The following ATE1 variants were observed in gnomAD, a reference collection of about 807,000 sequenced individuals.
ATE1 encodes arginyltransferase 1, also known as arginyl-tRNA--protein transferase 1.
In ATE1, 36 loss-of-function variants were observed where a neutral mutation model predicts 70.5. That is an observed-to-expected ratio of 0.51 (90% CI 0.39 to 0.67). ATE1 has a LOEUF of 0.67. Among genes scored for constraint, ATE1 ranks in the 30% least tolerant of loss-of-function variants. ATE1 has a pLI of 0.00. For synonymous variants in ATE1, 232 were observed against 219.3 expected, an observed-to-expected ratio of 1.06 and a Z score of -0.51; for missense variants, 593 against 629.5, an observed-to-expected ratio of 0.94 and a Z score of 0.62.
At chr10:121,751,013 A>G (rs980618353) in intron 11 of ATE1, among the ~76,000 whole-genome samples, 1 of 152,228 alleles carries the variant, frequency 6.6e-6, no homozygotes. Context: ...GAAGCTTTTC[A>G]GCATAAAATA....
rs10749435 is a variant in ATE1 at position 121,913,824 on chromosome 10, T to C, written c.303A>G (p.Leu101=). 1,475,595 of 1,612,850 alleles carry C rather than the reference T, an allele frequency of 0.91. 675,879 individuals are homozygous for C. Among genetic ancestry groups the C allele is most frequent in the Middle Eastern group, 0.94 (5,704 of 6,060 alleles). ...TTCCTTTGGGAACCTCCCCTTTAGC[T>C]AGAAATTTCAACATTTTTTTCAAAA... ...KKVLKKMLKF[L]AKGEVPKGSC... is the part of the protein sequence containing the mutation. Residue 101 remains leucine (L), a synonymous_variant, in exon 4 of 12, where the codon CTA becomes CTG. Transcript: ENST00000224652.
chr10:121,752,485 T>TC (rs1262304223), intron 11 of ATE1, among the ~76,000 whole-genome samples: 1 of 151,996 alleles, frequency 6.6e-6, no homozygotes, highest in African/African-American at 2.4e-5. Context: ...TGCCCTAGCC[T>TC]CCCAAAGTGC....
chr10:121,911,767 T>G (rs76782567), intron 4 of ATE1, among the ~76,000 whole-genome samples: 3 of 146,338 alleles, frequency 2.1e-5, no homozygotes, highest in Non-Finnish European at 4.6e-5. Context: ...TTTTTTTTTT[T>G]GAGGAGTCTC....
chr10:121,888,903 T>G (rs1171349212), intron 7 of ATE1, among the ~76,000 whole-genome samples: 1 of 152,196 alleles, frequency 6.6e-6, no homozygotes, highest in Non-Finnish European at 1.5e-5. Context: ...TCTACTTACA[T>G]TAAGTATAAA....
intron 11 of ATE1, among the ~76,000 whole-genome samples, chr10:121,762,106 G>A (rs1031371002): frequency 6.6e-6 from 1 of 152,024 alleles, no homozygotes; most frequent in African/African-American, 2.4e-5. Context: ...TTCTGTCTTC[G>A]TCACCTTCAG....
chr10:121,850,561 G>A (rs1486606194), intron 8 of ATE1, among the ~76,000 whole-genome samples: 1 of 152,176 alleles, frequency 6.6e-6, no homozygotes, highest in African/African-American at 2.4e-5. Flanking sequence ...TTTTGAACTT[G>A]AGGACCCTCT....
chr10:121,760,192 C>A (rs891480622), intron 11 of ATE1, among the ~76,000 whole-genome samples: 1 of 152,162 alleles, frequency 6.6e-6, no homozygotes, highest in Non-Finnish European at 1.5e-5. Context: ...TGTTTTCATG[C>A]CTGCTAACAC....
intron 7 of ATE1, among the ~76,000 whole-genome samples, chr10:121,884,101 G>T: frequency 1.9e-5 from 1 of 51,468 alleles, no homozygotes; most frequent in Non-Finnish European, 3.2e-5. Context: ...GTGAGACCCA[G>T]ACTCAAAAAA....
At chr10:121,849,406 C>T (rs1948969665) in intron 8 of ATE1, among the ~76,000 whole-genome samples, 1 of 152,108 alleles carries the variant, frequency 6.6e-6, no homozygotes, top group Non-Finnish European at 1.5e-5. Flanking sequence ...TGAAAACCTG[C>T]TTCAGTTACT....
intron 11 of ATE1, among the ~76,000 whole-genome samples, chr10:121,767,203 C>T (rs985830676): frequency 2.0e-5 from 3 of 152,054 alleles, no homozygotes; most frequent in African/African-American, 4.8e-5. Flanking sequence ...CAACCACTCA[C>T]GATAAAAACT....
intron 7 of ATE1, among the ~76,000 whole-genome samples, chr10:121,882,959 T>C (rs1321341414): frequency 6.6e-6 from 1 of 152,144 alleles, no homozygotes; most frequent in Non-Finnish European, 1.5e-5. Flanking sequence ...ACTTCAGACA[T>C]TGAAATCAAA....
chr10:121,848,849 C>T (rs1200866425), intron 8 of ATE1, among the ~76,000 whole-genome samples: 3 of 150,478 alleles, frequency 2.0e-5, no homozygotes, highest in East Asian at 2.0e-4. Context: ...AGACGGTGGT[C>T]GCAGTGAACC....
chr10:121,864,634 T>C (rs1044170946), intron 8 of ATE1, among the ~76,000 whole-genome samples: 2 of 152,250 alleles, frequency 1.3e-5, no homozygotes, highest in African/African-American at 2.4e-5. Context: ...GTGGGCCATC[T>C]TGCTATTTGT....
chr10:121,878,794 A>C (rs544702448), intron 7 of ATE1, among the ~76,000 whole-genome samples: 1 of 152,280 alleles, frequency 6.6e-6, no homozygotes, highest in South Asian at 2.1e-4. Context: ...GCAATTATCT[A>C]GTTCACCTCT....
intron 7 of ATE1, among the ~76,000 whole-genome samples, chr10:121,895,692 A>C (rs2134246891): frequency 6.6e-6 from 1 of 151,862 alleles, no homozygotes; most frequent in South Asian, 2.1e-4. Context: ...TCACATCTGT[A>C]ATCCCAGCAC....
intron 7 of ATE1, among the ~76,000 whole-genome samples, chr10:121,886,128 C>T (rs1226225451): frequency 6.6e-6 from 1 of 152,060 alleles, no homozygotes; most frequent in Non-Finnish European, 1.5e-5. Flanking sequence ...CAGATTTTCA[C>T]ATAAGTGATA....
At chr10:121,904,908 T>TA in intron 5 of ATE1, among the ~76,000 whole-genome samples, 1 of 152,204 alleles carries the variant, frequency 6.6e-6, no homozygotes, top group Admixed American at 6.5e-5. Context: ...GTTTACTTAT[T>TA]AAAAAATGAC....
At chr10:121,868,991 T>C (rs1949758675) in intron 8 of ATE1, among the ~76,000 whole-genome samples, 1 of 152,196 alleles carries the variant, frequency 6.6e-6, no homozygotes, top group Non-Finnish European at 1.5e-5. Context: ...ACGAATATGA[T>C]TTGAAGAAGT....
chr10:121,860,798 A>C (rs4444014), intron 8 of ATE1, among the ~76,000 whole-genome samples: 44,758 of 152,074 alleles, frequency 0.29, 7,121 homozygotes, highest in South Asian at 0.43. Context: ...AGGCTAAGTA[A>C]CAGAATCCCG....
Sources: allele counts gnomAD v4.1 joint callset (sites outside exome capture counted in the v4.1 genomes callset), GRCh38; gene constraint gnomAD v4.1.1; transcripts MANE v1.5; gene names NCBI Gene and HGNC (gene_info 2026-07-23, HGNC 2026-07-21).